MGRN1: variants seen among roughly 807,000 people sequenced by gnomAD.
MGRN1 encodes E3 ubiquitin-protein ligase MGRN1.
A neutral mutation model predicts 69.2 loss-of-function variants in MGRN1; 29 were observed. The ratio of observed to expected loss-of-function variants is 0.42; its 90% confidence interval spans 0.31 to 0.57. The LOEUF is 0.57. MGRN1 is among the 20% of genes least tolerant of loss of function. The probability of loss-of-function intolerance (pLI) is 0.15; values close to 1 mark genes in which losing one functional copy is unlikely to be tolerated. For missense variants in MGRN1, 998 were observed against 796.2 expected (o/e 1.25, Z -3.05); for synonymous variants, 470 against 344.2 (o/e 1.37, Z -4.04).
intron 12 of MGRN1, 39 bp from the exon 13 acceptor site, chr16:4,681,511 C>T (rs757578307): frequency 3.8e-6 from 6 of 1,572,958 alleles, no homozygotes; most frequent in Admixed American, 3.5e-5. Context: ...AGCAGGTGGT[C>T]CCTGGGCATG....
intron 10 of MGRN1, among the ~76,000 whole-genome samples, chr16:4,676,136 C>G (rs1314596430): frequency 6.6e-6 from 1 of 152,238 alleles, no homozygotes; most frequent in Non-Finnish European, 1.5e-5. Flanking sequence ...CTGGATGTGT[C>G]CAGATCCCAG....
At chr16:4,688,630 C>G in intron 16 of MGRN1, 166 bp from the exon 17 acceptor site, 2 of 1,405,536 alleles carry the variant, frequency 1.4e-6, no homozygotes, top group South Asian at 1.7e-5. Context: ...AGGGAGTCCC[C>G]GGGCCCTTGG....
chr16:4,687,464 G>A (rs2079353842), intron 16 of MGRN1: 7 of 949,236 alleles, frequency 7.4e-6, no homozygotes, highest in East Asian at 1.2e-4. Flanking sequence ...GAGGATTGCC[G>A]GAGCTGGGGA....
chr16:4,646,077 G>A (rs977248554), intron 1 of MGRN1, among the ~76,000 whole-genome samples: 4 of 151,946 alleles, frequency 2.6e-5, no homozygotes, highest in South Asian at 2.1e-4. Flanking sequence ...CCTACCTTAC[G>A]GTGAGGGTCG....
At chr16:4,637,958 A>C (rs1244326160) in intron 1 of MGRN1, among the ~76,000 whole-genome samples, 2 of 152,186 alleles carry the variant, frequency 1.3e-5, no homozygotes, top group African/African-American at 2.4e-5. Context: ...TCCGTGCCCC[A>C]GCGTCTTTGC....
rs1338296668 is a variant in MGRN1 at position 4,682,894 on chromosome 16, C to T, written c.1430C>T (p.Pro477Leu). ...AAGCTCTCCGAGGACGTGGACGCCC[C>T]TCCCCCACTGGGTGGCGCAGAGCTG... ...EEKLSEDVDA[P>L]PPLGGAELAL... is the part of the protein sequence containing the mutation. The change falls in exon 14 of 17, where the codon CCT (proline) becomes CTT (leucine). Residue 477 changes from proline (P) to leucine (L), a missense_variant. Coordinates refer to ENST00000262370, the MANE Select transcript of MGRN1 (RefSeq NM_015246.4). The T allele has an allele frequency of 6.2e-6, 10 of 1,609,380 alleles. No individual in the cohort carries two copies. Among genetic ancestry groups the T allele is most frequent in the East Asian group, 4.5e-5 (2 of 44,708 alleles).
chr16:4,670,907 A>G (rs903828110), intron 8 of MGRN1, among the ~76,000 whole-genome samples: 9 of 152,224 alleles, frequency 5.9e-5, no homozygotes, highest in African/African-American at 2.2e-4. Flanking sequence ...GGTCAGCGTG[A>G]GGCTTTTTGG....
At chr16:4,650,789 G>A (rs1240021028) in intron 2 of MGRN1, 4 of 264,260 alleles carry the variant, frequency 1.5e-5, no homozygotes, top group African/African-American at 8.8e-5. Flanking sequence ...AGCCTTCTTG[G>A]ATGACTTTCT....
intron 10 of MGRN1, chr16:4,677,211 C>T (rs145675277): frequency 1.3e-4 from 49 of 383,012 alleles, no homozygotes; most frequent in East Asian, 5.1e-4. Flanking sequence ...TTCTGTCTCT[C>T]GTCTTTGGAG....
chr16:4,665,273 C>A, intron 7 of MGRN1, 122 bp downstream of exon 7: 1 of 1,043,570 alleles, frequency 9.6e-7, no homozygotes, highest in Non-Finnish European at 1.4e-6. Context: ...TCAAGGGCCC[C>A]GGGGCAGGTT....
In MGRN1 at chr16:4,686,970, T is replaced by C. The variant is rs986329107; in HGVS notation, c.1619-1826T>C. 10 of 985,352 alleles carry C rather than the reference T, an allele frequency of 1.0e-5. No homozygotes were observed. The African/African-American group carries it at 1.2e-4, about 12-fold the overall frequency. 61.0% of individuals were successfully genotyped at this position (985,352 alleles called of 1,614,324 possible). On this transcript the variant is annotated intron_variant, in intron 16 of 16. Coordinates refer to ENST00000262370, the MANE Select transcript of MGRN1 (RefSeq NM_015246.4). ...CTCTGGTGCCCAGGGGAGAGTATCT[T>C]GCGTCCTGTCCTGAGGGCGTCCGCT...
Position 4,653,247 on chromosome 16 carries a change from T to C in MGRN1, c.443+423T>C, listed in dbSNP as rs1219071430. ...CAGGGAAACACTTGGCTGGTGTTTG[T>C]TGGTTTATTGTAAAGGATTCAGATG... On this transcript the variant is annotated intron_variant, in intron 4 of 16. Transcript: ENST00000262370. 1.3e-5 allele frequency among the ~76,000 whole-genome samples: 2 copies of C among 152,126 alleles called. 1 individual carries two copies. Among genetic ancestry groups the C allele is most frequent in the South Asian group, 4.1e-4 (2 of 4,826 alleles).
intron 10 of MGRN1, among the ~76,000 whole-genome samples, chr16:4,676,531 G>A (rs914385207): frequency 9.8e-5 from 15 of 152,298 alleles, no homozygotes; most frequent in Non-Finnish European, 1.9e-4. Flanking sequence ...AGGACGTGGC[G>A]GTAGAGGGGC....
chr16:4,663,132 C>T (rs1414494561), intron 5 of MGRN1, among the ~76,000 whole-genome samples: 4 of 151,972 alleles, frequency 2.6e-5, no homozygotes, highest in East Asian at 1.9e-4. Context: ...GGTGTGATCT[C>T]GGCTCACTGC....
Position 4,681,787 on chromosome 16 carries a change from G to A in MGRN1, c.1358+11G>A, listed in dbSNP as rs1183111504. 1 of 1,607,604 alleles carries A rather than the reference G, an allele frequency of 6.2e-7. No homozygotes were observed. Among genetic ancestry groups the A allele is most frequent in the Non-Finnish European group, 8.5e-7 (1 of 1,177,418 alleles). ...CAAGGCCCCCGACAGGTGAGCAGCA[G>A]CCAGGCCAGGTGCATGGCAGGGTGT... On this transcript the variant is annotated intron_variant, in intron 13 of 16. Coordinates refer to ENST00000262370, the MANE Select transcript of MGRN1 (RefSeq NM_015246.4).
intron 7 of MGRN1, among the ~76,000 whole-genome samples, chr16:4,667,250 G>C (rs116801891): frequency 6.6e-4 from 100 of 152,342 alleles, no homozygotes; most frequent in African/African-American, 2.2e-3. Context: ...CCTGTGATCT[G>C]GGTCTTTCTA....
chr16:4,680,341 C>T, intron 12 of MGRN1: 4 of 497,360 alleles, frequency 8.0e-6, no homozygotes, highest in Non-Finnish European at 1.4e-5. Context: ...CTCCGCCCCG[C>T]GTGGCCCCCG....
intron 1 of MGRN1, among the ~76,000 whole-genome samples, chr16:4,646,785 C>G (rs2078283744): frequency 6.6e-6 from 1 of 152,210 alleles, no homozygotes; most frequent in Non-Finnish European, 1.5e-5. Context: ...CATCTTCTGC[C>G]TACAGCGGGG....
chr16:4,688,506 G>A (rs2079385600), intron 16 of MGRN1: 9 of 1,198,330 alleles, frequency 7.5e-6, no homozygotes, highest in Admixed American at 4.1e-5. Flanking sequence ...AGGCCCAGAG[G>A]GCATCCACCG....
Sources: allele counts gnomAD v4.1 joint callset (sites outside exome capture counted in the v4.1 genomes callset), GRCh38; gene constraint gnomAD v4.1.1; transcripts MANE v1.5; gene names NCBI Gene and HGNC (gene_info 2026-07-23, HGNC 2026-07-21).